GRM8: variants seen among roughly 807,000 people sequenced by gnomAD.
GRM8 encodes glutamate metabotropic receptor 8, also known as metabotropic glutamate receptor 8.
Under a neutral mutation model 87.2 loss-of-function variants are expected in GRM8, and 47 were observed. The ratio of observed to expected loss-of-function variants is 0.54; its 90% CI spans 0.43 to 0.69. The LOEUF (loss-of-function observed/expected upper bound fraction) is 0.69. Among genes scored for constraint, GRM8 ranks in the 30% least tolerant of loss-of-function variants. GRM8 has a pLI of 0.00. For missense variants in GRM8, 1,019 were observed against 1,139.2 expected (o/e 0.89, Z 1.52); for synonymous variants, 396 against 404.5 (o/e 0.98, Z 0.25).
At chr7:126,661,675 G>A (rs1805192153) in intron 7 of GRM8, among the ~76,000 whole-genome samples, 1 of 152,184 alleles carries the variant, frequency 6.6e-6, no homozygotes, top group Non-Finnish European at 1.5e-5. Flanking sequence ...ATGGGCTGTG[G>A]GGAGACTTTA....
At chr7:126,853,435 T>C (rs547802619) in intron 6 of GRM8, among the ~76,000 whole-genome samples, 1 of 152,282 alleles carries the variant, frequency 6.6e-6, no homozygotes, top group Non-Finnish European at 1.5e-5. Flanking sequence ...AATGGACAAG[T>C]CTTGCAGAGG....
intron 9 of GRM8, among the ~76,000 whole-genome samples, chr7:126,528,494 C>T (rs1211094015): frequency 6.6e-6 from 1 of 152,102 alleles, no homozygotes; most frequent in Non-Finnish European, 1.5e-5. Context: ...TGATAGCCAA[C>T]ATTTATTCAC....
intron 8 of GRM8, among the ~76,000 whole-genome samples, chr7:126,601,917 G>A (rs1339069845): frequency 6.5e-5 from 9 of 138,884 alleles, no homozygotes; most frequent in South Asian, 5.0e-4. Flanking sequence ...CTTTTGCTGT[G>A]CAGAAGCTCT....
intron 6 of GRM8, among the ~76,000 whole-genome samples, chr7:126,771,960 G>C (rs1818889818): frequency 6.6e-6 from 1 of 152,002 alleles, no homozygotes; most frequent in Non-Finnish European, 1.5e-5. Flanking sequence ...TTATACTTTT[G>C]TCTCCTGAGT....
intron 9 of GRM8, among the ~76,000 whole-genome samples, chr7:126,513,509 T>A (rs2237735): frequency 0.3 from 46,140 of 152,006 alleles, 7,653 homozygotes; most frequent in South Asian, 0.41. Flanking sequence ...AAATCTGCAC[T>A]ATGCAACTGG....
intron 8 of GRM8, among the ~76,000 whole-genome samples, chr7:126,557,930 G>T (rs2150949999): frequency 6.6e-6 from 1 of 151,788 alleles, no homozygotes; most frequent in Non-Finnish European, 1.5e-5. Flanking sequence ...AAATTATAAA[G>T]GAATTCTGGT....
intron 2 of GRM8, among the ~76,000 whole-genome samples, chr7:127,209,176 T>C (rs1796076159): frequency 6.6e-6 from 1 of 152,182 alleles, no homozygotes; most frequent in Admixed American, 6.5e-5. Context: ...AACAAGACAC[T>C]ACACCTTTAG....
intron 3 of GRM8, among the ~76,000 whole-genome samples, chr7:127,059,072 C>T (rs1353465107): frequency 6.6e-6 from 1 of 152,050 alleles, no homozygotes. Context: ...CTGCTAAGGG[C>T]TCTAATGATG....
chr7:126,550,147 C>T (rs1462974736), intron 8 of GRM8, among the ~76,000 whole-genome samples: 1 of 151,726 alleles, frequency 6.6e-6, no homozygotes, highest in East Asian at 1.9e-4. Context: ...AGACGGTCTC[C>T]CTCTGTCCCC....
chr7:126,612,810 T>G (rs1373626623), intron 7 of GRM8, among the ~76,000 whole-genome samples: 1 of 152,204 alleles, frequency 6.6e-6, no homozygotes, highest in Non-Finnish European at 1.5e-5. Context: ...CCCAAGCAAA[T>G]CCATGCTTCC....
chr7:126,509,056 C>T (rs1234251860), intron 9 of GRM8, among the ~76,000 whole-genome samples: 1 of 152,062 alleles, frequency 6.6e-6, no homozygotes, highest in Non-Finnish European at 1.5e-5. Flanking sequence ...CTAATTGCTA[C>T]TGTTTCCTAA....
rs550671817 is a variant in GRM8, at chr7:126,868,115, T to G, written c.1156+34427A>C. 3.3e-5 allele frequency among the ~76,000 whole-genome samples: 5 copies of G among 152,248 alleles called. No homozygotes were observed. The East Asian group carries it at 7.7e-4, about 24-fold the overall frequency. ...GTGCTCTCAGGCACAGGGCCAGGCTTAGACCCTGATGGCAGCAATCCCCAT... is the reference window on the plus strand; with the variant it reads ...GTGCTCTCAGGCACAGGGCCAGGCTGAGACCCTGATGGCAGCAATCCCCAT... On this transcript the variant is annotated intron_variant, in intron 6 of 10. Transcript: ENST00000339582.
intron 2 of GRM8, among the ~76,000 whole-genome samples, chr7:127,176,351 T>G (rs1400350776): frequency 9.2e-5 from 14 of 152,198 alleles, no homozygotes; most frequent in African/African-American, 3.4e-4. Context: ...TCACTTTAAA[T>G]GTTAATTGTT....
At chr7:126,792,216 C>A (rs1177503940) in intron 6 of GRM8, among the ~76,000 whole-genome samples, 2 of 152,150 alleles carry the variant, frequency 1.3e-5, no homozygotes, top group African/African-American at 2.4e-5. Flanking sequence ...TCTTTGTATT[C>A]TTGATGGATA....
chr7:126,721,409 A>G (rs1186791918), intron 7 of GRM8, among the ~76,000 whole-genome samples: 1 of 152,168 alleles, frequency 6.6e-6, no homozygotes, highest in African/African-American at 2.4e-5. Flanking sequence ...TACCAACTGT[A>G]CTATAATAAT....
chr7:126,819,498 A>C (rs1794106847), intron 6 of GRM8, among the ~76,000 whole-genome samples: 2 of 152,314 alleles, frequency 1.3e-5, no homozygotes, highest in South Asian at 4.1e-4. Flanking sequence ...CTTAGTCTTC[A>C]TCATATTAAT....
intron 1 of GRM8, among the ~76,000 whole-genome samples, chr7:127,250,198 C>T (rs1798789222): frequency 6.6e-6 from 1 of 152,168 alleles, no homozygotes. Flanking sequence ...TTAAACAAGC[C>T]CCGCAGCAGC....
intron 9 of GRM8, among the ~76,000 whole-genome samples, chr7:126,516,590 A>C (rs1306407198): frequency 2.0e-5 from 3 of 152,152 alleles, no homozygotes; most frequent in African/African-American, 7.2e-5. Flanking sequence ...TCCTGACAGA[A>C]AGTATGCTTC....
At chr7:126,830,085 T>C (rs1483464355) in intron 6 of GRM8, among the ~76,000 whole-genome samples, 3 of 152,236 alleles carry the variant, frequency 2.0e-5, no homozygotes, top group Non-Finnish European at 4.4e-5. Flanking sequence ...GTTAGTCTGA[T>C]GGGCTTCCCT....
Sources: allele counts gnomAD v4.1 joint callset (sites outside exome capture counted in the v4.1 genomes callset), GRCh38; gene constraint gnomAD v4.1.1; transcripts MANE v1.5; gene names NCBI Gene and HGNC (gene_info 2026-07-23, HGNC 2026-07-21).